SDK1: variants seen among roughly 807,000 people sequenced by gnomAD.
The protein encoded by SDK1 is protein sidekick-1.
A neutral mutation model predicts 245.5 loss-of-function variants in SDK1; 157 were observed. That is an observed-to-expected ratio of 0.64 (90% CI 0.56 to 0.73). SDK1 has a LOEUF of 0.73. Ranked by LOEUF, SDK1 falls within the 30% of genes least tolerant of loss-of-function variation. SDK1 has a pLI of 0.00. For missense variants in SDK1, 3,583 were observed against 3,002.3 expected, an observed-to-expected ratio of 1.19 and a Z score of -4.52; for synonymous variants, 1,647 against 1,278.5, an observed-to-expected ratio of 1.29 and a Z score of -6.15.
chr7:3,373,261 A>G (rs1781271550), intron 1 of SDK1, among the ~76,000 whole-genome samples: 1 of 152,230 alleles, frequency 6.6e-6, no homozygotes, highest in African/African-American at 2.4e-5. Context: ...ATCCTGTCTT[A>G]TAATCAAGTG....
chr7:4,144,527 T>C lies in SDK1; in HGVS notation c.4229-1195T>C, dbSNP rs79287294. Among the ~76,000 whole-genome samples, 956 of 151,786 alleles carry C rather than the reference T, an allele frequency of 6.3e-3. 5 individuals are homozygous for C. The highest frequency in any genetic ancestry group is 0.022 in the African/African-American group (919 of 41,384). On this transcript the variant is annotated intron_variant, in intron 28 of 44. Transcript: ENST00000404826. ...CCTTGAGGTCTGATCTCCGTGTAAT[T>C]GTCCTCCCACCTCCCAGATGGCGGG...
intron 33 of SDK1, among the ~76,000 whole-genome samples, chr7:4,174,829 G>A (rs758376698): frequency 1.2e-4 from 18 of 152,128 alleles, no homozygotes; most frequent in Non-Finnish European, 2.1e-4. Flanking sequence ...TCTGACGAGG[G>A]CCCAGCTGCC....
rs118096993 is a variant in SDK1 at position 4,082,584 on chromosome 7, A to G, written c.3324+3000A>G. Among the ~76,000 whole-genome samples, 520 of 151,822 alleles carry G rather than the reference A, an allele frequency of 3.4e-3. 3 individuals are homozygous for G. Among genetic ancestry groups the G allele is most frequent in the South Asian group, 0.032 (152 of 4,808 alleles). On this transcript the variant is annotated intron_variant, in intron 22 of 44. Transcript: ENST00000404826. Reference sequence around the variant, plus strand: ...AAGAAATTTTTACATGAAAATATGGATGTCTTTTCTCATGATACCATTGTC... The same window carrying G: ...AAGAAATTTTTACATGAAAATATGGGTGTCTTTTCTCATGATACCATTGTC...
At chr7:3,728,225 A>G (rs529417093) in intron 4 of SDK1, among the ~76,000 whole-genome samples, 37 of 152,306 alleles carry the variant, frequency 2.4e-4, no homozygotes, top group African/African-American at 8.7e-4. Flanking sequence ...TCTCCACTGT[A>G]AAGTTACTCC....
At chr7:3,327,930 T>C (rs1000129673) in intron 1 of SDK1, among the ~76,000 whole-genome samples, 1 of 152,176 alleles carries the variant, frequency 6.6e-6, no homozygotes, top group South Asian at 2.1e-4. Context: ...TGTTGAATTA[T>C]ATGCGGTGTA....
rs147334173 is a variant in SDK1, at chr7:3,551,463, A to G, written c.299-67617A>G. ...TCAAGCAAGCCTAAAGTTGGACACAACCTTTAAAATGAGCTGATTATGGAC... is the reference window on the plus strand; with the variant it reads ...TCAAGCAAGCCTAAAGTTGGACACAGCCTTTAAAATGAGCTGATTATGGAC... On this transcript the variant is annotated intron_variant, in intron 1 of 44. Coordinates refer to ENST00000404826, the MANE Select transcript of SDK1 (RefSeq NM_152744.4). Among the ~76,000 whole-genome samples, 362 of 152,150 alleles carry G rather than the reference A, an allele frequency of 2.4e-3. 2 individuals are homozygous for G. Among genetic ancestry groups the G allele is most frequent in the African/African-American group, 8.0e-3 (334 of 41,502 alleles).
At chr7:3,658,355 C>G (rs775761374) in intron 4 of SDK1, among the ~76,000 whole-genome samples, 2 of 152,116 alleles carry the variant, frequency 1.3e-5, no homozygotes, top group Non-Finnish European at 2.9e-5. Context: ...ATTCTTTCCT[C>G]CAGTCAATCA....
intron 1 of SDK1, among the ~76,000 whole-genome samples, chr7:3,345,725 CCTGTTTCAGTG>C (rs1780474387): frequency 6.6e-6 from 1 of 152,172 alleles, no homozygotes; most frequent in African/African-American, 2.4e-5. Context: ...CCGTCTCTTT[CCTGTTTCAGTG>C]CTTCTCTAGA....
chr7:3,616,427 C>T (rs1781773726), intron 1 of SDK1, among the ~76,000 whole-genome samples: 1 of 152,206 alleles, frequency 6.6e-6, no homozygotes, highest in Non-Finnish European at 1.5e-5. Context: ...CTCTTTGCAC[C>T]TGCAGAAAGT....
chr7:3,777,979 A>G (rs773520469), intron 4 of SDK1, among the ~76,000 whole-genome samples: 1 of 152,166 alleles, frequency 6.6e-6, no homozygotes, highest in Non-Finnish European at 1.5e-5. Flanking sequence ...GGACATTGTG[A>G]TTTGGCAGCT....
chr7:4,056,302 G>A (rs977890842), intron 19 of SDK1, among the ~76,000 whole-genome samples: 8 of 152,088 alleles, frequency 5.3e-5, no homozygotes, highest in African/African-American at 1.9e-4. Context: ...CCTCTGGGGG[G>A]TGTAGCTTTT....
chr7:3,894,622 A>G (rs1405481598), intron 5 of SDK1, among the ~76,000 whole-genome samples: 3 of 152,266 alleles, frequency 2.0e-5, no homozygotes, highest in Admixed American at 2.0e-4. Context: ...TCAGGGCATC[A>G]GATCCACAGA....
At chr7:4,194,877 C>CAA (rs1382986592) in intron 35 of SDK1, among the ~76,000 whole-genome samples, 1 of 152,194 alleles carries the variant, frequency 6.6e-6, no homozygotes, top group Non-Finnish European at 1.5e-5. Context: ...TTAACCATCA[C>CAA]AATGTATAAC....
chr7:4,014,817 CG>C, intron 16 of SDK1, among the ~76,000 whole-genome samples: 1 of 152,222 alleles, frequency 6.6e-6, no homozygotes, highest in Non-Finnish European at 1.5e-5. Context: ...CCTGCACTTC[CG>C]TTATTGACTG....
chr7:3,908,099 C>T (rs6971687), intron 5 of SDK1, among the ~76,000 whole-genome samples: 2 of 152,000 alleles, frequency 1.3e-5, no homozygotes, highest in African/African-American at 4.8e-5. Context: ...TATTGAGTGC[C>T]CGTAATGTGC....
intron 1 of SDK1, among the ~76,000 whole-genome samples, chr7:3,340,430 C>T (rs761006607): frequency 3.3e-5 from 5 of 152,068 alleles, no homozygotes; most frequent in South Asian, 2.1e-4. Context: ...CTGAAAGCAG[C>T]GTTGTCACTA....
intron 1 of SDK1, among the ~76,000 whole-genome samples, chr7:3,392,800 T>G (rs1237747679): frequency 6.6e-6 from 1 of 152,096 alleles, no homozygotes; most frequent in Non-Finnish European, 1.5e-5. Context: ...CTTAATTCCT[T>G]TTTTGGCTGA....
At chr7:3,828,761 G>A (rs1466026247) in intron 5 of SDK1, among the ~76,000 whole-genome samples, 1 of 145,112 alleles carries the variant, frequency 6.9e-6, no homozygotes, top group Non-Finnish European at 1.5e-5. Context: ...AAGCAGTCTT[G>A]CTGCCTCAGC....
chr7:3,704,132 A>T (rs1208290621), intron 4 of SDK1, among the ~76,000 whole-genome samples: 3 of 152,168 alleles, frequency 2.0e-5, no homozygotes, highest in Non-Finnish European at 4.4e-5. Flanking sequence ...ATAAGTGAGA[A>T]CATATGGTAT....
Sources: allele counts gnomAD v4.1 joint callset (sites outside exome capture counted in the v4.1 genomes callset), GRCh38; gene constraint gnomAD v4.1.1; transcripts MANE v1.5; gene names NCBI Gene and HGNC (gene_info 2026-07-23, HGNC 2026-07-21).